The following GOLGA8B variants were observed in gnomAD, a reference collection of about 807,000 sequenced individuals.
The protein encoded by GOLGA8B is golgin A8 family member B.
A neutral mutation model predicts 15.6 loss-of-function variants in GOLGA8B; 1 was observed. The observed-to-expected ratio is 0.06, with a 90% CI of 0.02 to 0.30. GOLGA8B has a LOEUF of 0.30. Ranked by LOEUF, GOLGA8B falls within the 10% of genes least tolerant of loss-of-function variation. GOLGA8B has a pLI of 1.00. For missense variants in GOLGA8B, 17 were observed against 201.3 expected, an observed-to-expected ratio of 0.08 and a Z score of 5.54; for synonymous variants, 9 against 80.3, an observed-to-expected ratio of 0.11 and a Z score of 4.75.
intron 1 of GOLGA8B, among the ~76,000 whole-genome samples, chr15:34,574,047 G>A (rs1174408508): frequency 6.6e-6 from 1 of 152,028 alleles, no homozygotes; most frequent in Admixed American, 6.6e-5. Context: ...GCCCCTCAGT[G>A]TGCTGGTGAG....
chr15:34,575,934 T>C (rs994858137), intron 1 of GOLGA8B, among the ~76,000 whole-genome samples: 5 of 152,116 alleles, frequency 3.3e-5, no homozygotes, highest in East Asian at 3.9e-4. Context: ...CATGGGTGGA[T>C]AGATGGACAG....
chr15:34,575,216 C>G (rs1377307992), intron 1 of GOLGA8B, among the ~76,000 whole-genome samples: 1 of 152,132 alleles, frequency 6.6e-6, no homozygotes, highest in African/African-American at 2.4e-5. Flanking sequence ...TCCAGAGCCT[C>G]CACATGACGC....
chr15:34,557,644 A>ATGTGTGTGTGTGTGTGTG lies in GOLGA8B; in HGVS notation c.-1122-3706_-1122-3689dup, dbSNP rs780443805. The stretch of plus-strand genomic sequence containing the variant: ...ATTTTTTTCTGAGAAGAATTCATGA[A>ATGTGTGTGTGTGTGTGTG]TGTGTGTGTGTGTGTGTGTGTGTGT... On this transcript the variant is annotated intron_variant, in intron 1 of 23. Transcript: ENST00000683415. Among the ~76,000 whole-genome samples the ATGTGTGTGTGTGTGTGTG allele has an allele frequency of 2.4e-4, 18 of 76,142 alleles. 1 individual carries two copies. The highest frequency in any genetic ancestry group is 8.0e-4 in the African/African-American group (18 of 22,534). The allele number at this position is 76,142 out of a possible 152,430, so 50.0% of individuals were successfully genotyped here. A position where few individuals can be genotyped will look rare whatever the true frequency, so the allele number is the denominator to read the frequency against.
intron 1 of GOLGA8B, among the ~76,000 whole-genome samples, chr15:34,580,925 G>T (rs1889210903): frequency 6.6e-6 from 1 of 152,206 alleles, no homozygotes; most frequent in Non-Finnish European, 1.5e-5. Context: ...CCTGGCAAGG[G>T]TGAGGAACTG....
intron 1 of GOLGA8B, among the ~76,000 whole-genome samples, chr15:34,582,289 T>C (rs1239316938): frequency 6.6e-6 from 1 of 152,232 alleles, no homozygotes; most frequent in East Asian, 1.9e-4. Flanking sequence ...TCCTGGCAAC[T>C]GCCAACCTGA....
intron 1 of GOLGA8B, among the ~76,000 whole-genome samples, chr15:34,567,736 C>A (rs1223554518): frequency 2.0e-5 from 3 of 151,890 alleles, no homozygotes; most frequent in African/African-American, 7.3e-5. Flanking sequence ...CCCACCCACA[C>A]CAAGAATCCT....
intron 1 of GOLGA8B, among the ~76,000 whole-genome samples, chr15:34,572,205 A>G (rs1888934845): frequency 6.6e-6 from 1 of 152,248 alleles, no homozygotes; most frequent in African/African-American, 2.4e-5. Flanking sequence ...GCTGCCCCAC[A>G]CACTAGCATC....
At position 34,583,498 on chromosome 15, in the gene GOLGA8B, C is replaced by A. The variant is rs531770520; in HGVS notation, c.-1123+18G>T. Reference sequence around the variant, plus strand: ...TGCCGCCGCCAGGGAGTCAGGCAGCCAAGGTTCCCCAGCTTACCTGGCCAG... The same window carrying A: ...TGCCGCCGCCAGGGAGTCAGGCAGCAAAGGTTCCCCAGCTTACCTGGCCAG... On this transcript the variant is annotated intron_variant, in intron 1 of 23. Coordinates refer to ENST00000683415, the MANE Select transcript of GOLGA8B (RefSeq NM_001023567.5). The A allele has an allele frequency of 4.9e-4, 75 of 151,806 alleles. No homozygotes were observed. The highest frequency in any genetic ancestry group is 1.8e-3 in the African/African-American group (73 of 41,436). The allele number at this position is 151,806 out of a possible 1,614,324, so 9.4% of individuals were successfully genotyped here.
chr15:34,554,827 TACTG>T (rs1888452499), intron 1 of GOLGA8B, among the ~76,000 whole-genome samples: 1 of 107,932 alleles, frequency 9.3e-6, no homozygotes. Context: ...CCCAAATTAA[TACTG>T]CCTGCCTGCG....
chr15:34,563,552 C>T (rs1398942556), intron 1 of GOLGA8B, among the ~76,000 whole-genome samples: 3 of 149,242 alleles, frequency 2.0e-5, no homozygotes, highest in Non-Finnish European at 4.5e-5. Flanking sequence ...CTCTTGGTAA[C>T]CCCATCCCTT....
intron 1 of GOLGA8B, among the ~76,000 whole-genome samples, chr15:34,580,661 C>A (rs1329305726): frequency 6.6e-6 from 1 of 152,002 alleles, no homozygotes; most frequent in African/African-American, 2.4e-5. Flanking sequence ...GAGCTGGACC[C>A]AACCCAGGCG....
intron 1 of GOLGA8B, among the ~76,000 whole-genome samples, chr15:34,570,151 G>A (rs1888874564): frequency 6.6e-6 from 1 of 152,056 alleles, no homozygotes; most frequent in African/African-American, 2.4e-5. Flanking sequence ...ACGTTTGGAG[G>A]AAGCAGCTGA....
intron 1 of GOLGA8B, among the ~76,000 whole-genome samples, chr15:34,554,594 ACAC>A (rs771172566): frequency 9.6e-6 from 1 of 103,672 alleles, no homozygotes; most frequent in Non-Finnish European, 2.0e-5. Flanking sequence ...CATTCACATC[ACAC>A]CACACCACAT....
intron 1 of GOLGA8B, among the ~76,000 whole-genome samples, chr15:34,580,755 T>G (rs1401879373): frequency 5.3e-5 from 8 of 151,600 alleles, no homozygotes; most frequent in Admixed American, 5.3e-4. Flanking sequence ...CCAACCACCA[T>G]CCAAGGGAAC....
intron 1 of GOLGA8B, among the ~76,000 whole-genome samples, chr15:34,576,980 G>T (rs1045872989): frequency 2.7e-5 from 4 of 150,738 alleles, no homozygotes; most frequent in African/African-American, 7.3e-5. Flanking sequence ...GGCTGGTGAG[G>T]AATGGGACAC....
chr15:34,564,641 A>G (rs1319952081), intron 1 of GOLGA8B, among the ~76,000 whole-genome samples: 2 of 145,504 alleles, frequency 1.4e-5, no homozygotes, highest in Non-Finnish European at 3.1e-5. Flanking sequence ...GACCAAATAG[A>G]AGGTATGTGA....
chr15:34,554,532 C>T (rs1275047116), intron 1 of GOLGA8B, among the ~76,000 whole-genome samples: 2 of 128,608 alleles, frequency 1.6e-5, no homozygotes, highest in African/African-American at 3.0e-5. Flanking sequence ...CACTACATTA[C>T]ACTCCACACA....
chr15:34,576,682 TG>T (rs766638905), intron 1 of GOLGA8B, among the ~76,000 whole-genome samples: 8 of 152,312 alleles, frequency 5.3e-5, no homozygotes, highest in Middle Eastern at 3.4e-3. Context: ...CAACCATCAA[TG>T]TGACCCATTC....
intron 1 of GOLGA8B, among the ~76,000 whole-genome samples, chr15:34,566,930 C>T (rs1202910929): frequency 8.5e-6 from 1 of 117,482 alleles, no homozygotes; most frequent in Non-Finnish European, 1.8e-5. Flanking sequence ...CATCGGCGGC[C>T]ACTCCCCTGA....
Sources: allele counts gnomAD v4.1 joint callset (sites outside exome capture counted in the v4.1 genomes callset), GRCh38; gene constraint gnomAD v4.1.1; transcripts MANE v1.5; gene names NCBI Gene and HGNC (gene_info 2026-07-23, HGNC 2026-07-21).